PKNOX2: variants seen among roughly 807,000 people sequenced by gnomAD.
PKNOX2 encodes the protein homeobox protein PKNOX2.
In PKNOX2, 14 loss-of-function variants were observed where a neutral mutation model predicts 53.1. The ratio of observed to expected loss-of-function variants is 0.26; its 90% CI spans 0.17 to 0.41. The LOEUF (loss-of-function observed/expected upper bound fraction) is 0.41, where lower values mean the gene tolerates loss of function less well. Among genes scored for constraint, PKNOX2 ranks in the 10% least tolerant of loss-of-function variants. The pLI, the probability that PKNOX2 is intolerant of heterozygous loss-of-function variation, is 1.00. For missense variants in PKNOX2, 496 were observed against 602.8 expected, an observed-to-expected ratio of 0.82 and a Z score of 1.85; for synonymous variants, 257 against 242.8, an observed-to-expected ratio of 1.06 and a Z score of -0.54.
At chr11:125,220,304 A>G (rs1487073510) in intron 1 of PKNOX2, among the ~76,000 whole-genome samples, 7 of 152,238 alleles carry the variant, frequency 4.6e-5, no homozygotes, top group African/African-American at 1.4e-4. Flanking sequence ...TTTAAAAGCA[A>G]AACAAAACAC....
intron 2 of PKNOX2, among the ~76,000 whole-genome samples, chr11:125,310,503 A>T (rs10893369): frequency 0.11 from 16,968 of 151,542 alleles, 1,292 homozygotes; most frequent in East Asian, 0.31. Context: ...TCAAAAAAAA[A>T]AATAATAAAA....
rs1191582818 is a variant in PKNOX2, at chr11:125,352,630, G to A, written c.87+1238G>A. Reference sequence around the variant, plus strand: ...ATCCTCTGGGAGATTACCAGATGCTGTGGGGCTTCTTTCTAGCGTACCCAG... The same window carrying A: ...ATCCTCTGGGAGATTACCAGATGCTATGGGGCTTCTTTCTAGCGTACCCAG... On this transcript the variant is annotated intron_variant, in intron 4 of 12. Transcript: ENST00000298282. The surrounding 1 kb of genome is among the most constrained non-coding windows in gnomAD (Gnocchi z 4.1). 6.6e-6 allele frequency among the ~76,000 whole-genome samples: 1 copy of A among 152,198 alleles called. No homozygotes were observed. Among genetic ancestry groups the A allele is most frequent in the African/African-American group, 2.4e-5 (1 of 41,456 alleles).
chr11:125,174,233 A>T (rs1024118330), intron 1 of PKNOX2, among the ~76,000 whole-genome samples: 2 of 152,136 alleles, frequency 1.3e-5, no homozygotes, highest in Non-Finnish European at 2.9e-5. Context: ...GCTTGTTCTC[A>T]TTCTCATTTC....
chr11:125,228,307 T>G (rs1272451792), intron 1 of PKNOX2, among the ~76,000 whole-genome samples: 1 of 152,210 alleles, frequency 6.6e-6, no homozygotes, highest in Non-Finnish European at 1.5e-5. Flanking sequence ...ATTCGAATTT[T>G]AAAAGTCACA....
At chr11:125,427,423 G>C (rs1287581409) in intron 10 of PKNOX2, among the ~76,000 whole-genome samples, 5 of 152,198 alleles carry the variant, frequency 3.3e-5, no homozygotes, top group Non-Finnish European at 5.9e-5. Flanking sequence ...AGGTAGGGGA[G>C]AGGCTGCTCC....
At chr11:125,384,692 A>G (rs1037284258) in intron 5 of PKNOX2, among the ~76,000 whole-genome samples, 4 of 152,170 alleles carry the variant, frequency 2.6e-5, no homozygotes, top group Non-Finnish European at 5.9e-5. Context: ...CTCAAAAAAA[A>G]CAAAAAGATC....
At chr11:125,423,516 G>C (rs11220062) in intron 10 of PKNOX2, among the ~76,000 whole-genome samples, 3,169 of 152,314 alleles carry the variant, frequency 0.021, 105 homozygotes, top group African/African-American at 0.07. Context: ...ATGGTGAGAA[G>C]TACCAGTTAC....
chr11:125,396,456 A>AC (rs1412062864), intron 6 of PKNOX2, among the ~76,000 whole-genome samples: 1 of 152,084 alleles, frequency 6.6e-6, no homozygotes, highest in African/African-American at 2.4e-5. Context: ...TTATTCTAGC[A>AC]CCATTTGAAC....
At chr11:125,265,286 C>T (rs774220791) in intron 2 of PKNOX2, among the ~76,000 whole-genome samples, 3 of 139,762 alleles carry the variant, frequency 2.1e-5, no homozygotes, top group Non-Finnish European at 3.1e-5. Context: ...GACTCTGTCT[C>T]AAAAAAAAAA....
intron 2 of PKNOX2, among the ~76,000 whole-genome samples, chr11:125,299,093 G>A (rs1947856501): frequency 6.6e-6 from 1 of 152,142 alleles, no homozygotes; most frequent in African/African-American, 2.4e-5. Context: ...GAAGGCAAAG[G>A]GGGAGCAGGC....
At position 125,422,230 on chromosome 11, in the gene PKNOX2, T is replaced by C. The variant is rs1181983333; in HGVS notation, c.937-6782T>C. 1.3e-5 allele frequency among the ~76,000 whole-genome samples: 2 copies of C among 152,166 alleles called. No individual in the cohort carries two copies. The highest frequency in any genetic ancestry group is 2.9e-5 in the Non-Finnish European group (2 of 68,026). On this transcript the variant is annotated intron_variant, in intron 10 of 12. Transcript: ENST00000298282. The surrounding 1 kb of genome is among the most constrained non-coding windows in gnomAD (Gnocchi z 4.1). ...GAAACCTGGGAACACTGTGGCCCCT[T>C]ACCCCAGCCACGACTGTCTTCATTC...
intron 3 of PKNOX2, among the ~76,000 whole-genome samples, chr11:125,348,329 G>C (rs979982966): frequency 3.9e-5 from 6 of 152,196 alleles, no homozygotes; most frequent in Admixed American, 1.3e-4. Flanking sequence ...GGAGTGTCAA[G>C]TTGCCGGAGG....
At chr11:125,345,042 C>G (rs995912658) in intron 3 of PKNOX2, among the ~76,000 whole-genome samples, 3 of 152,260 alleles carry the variant, frequency 2.0e-5, no homozygotes, top group African/African-American at 7.2e-5. Flanking sequence ...CCATTTCCCC[C>G]CATCAGCCTA....
chr11:125,332,596 C>A (rs1950204551), intron 3 of PKNOX2: 1 of 152,102 alleles, frequency 6.6e-6, no homozygotes, highest in South Asian at 2.1e-4. Flanking sequence ...TTATCCGAAA[C>A]AACCCTTTTT....
At chr11:125,357,899 G>A (rs1035045234) in intron 4 of PKNOX2, among the ~76,000 whole-genome samples, 7 of 152,154 alleles carry the variant, frequency 4.6e-5, no homozygotes, top group African/African-American at 1.7e-4. Context: ...TTATCCATTC[G>A]ATAAACATTG....
At chr11:125,398,867 C>A (rs2135462961) in intron 7 of PKNOX2, among the ~76,000 whole-genome samples, 1 of 152,372 alleles carries the variant, frequency 6.6e-6, no homozygotes, top group Middle Eastern at 3.4e-3. Flanking sequence ...CCTGGAGGGT[C>A]CCCAAGGAGT....
chr11:125,229,708 C>T (rs908750321), intron 1 of PKNOX2, among the ~76,000 whole-genome samples: 1 of 152,104 alleles, frequency 6.6e-6, no homozygotes, highest in Admixed American at 6.5e-5. Flanking sequence ...AGCAGTGATG[C>T]TTCTGAGGGA....
At chr11:125,328,904 G>A (rs1290526080) in intron 2 of PKNOX2, among the ~76,000 whole-genome samples, 1 of 152,222 alleles carries the variant, frequency 6.6e-6, no homozygotes, top group African/African-American at 2.4e-5. Context: ...CTCATACGCT[G>A]CTGATAGGAT....
In PKNOX2 at chr11:125,431,209, T is replaced by G. The variant is rs923655514; in HGVS notation, c.1236T>G (p.Ser412Arg). 6.2e-7 allele frequency: 1 copy of G among 1,613,718 alleles called. No homozygotes were observed. ...ACCTGCAGTCCCTGTCCTCAGACAG[T>G]GCCACCATGGCCATGCAGCAGGCTA... ...LDNLQSLSSD[S>R]ATMAMQQAMM... The change falls in exon 13 of 13, where the codon AGT (serine) becomes AGG (arginine). Residue 412 changes from serine to arginine, a missense_variant. Coordinates refer to ENST00000298282, the MANE Select transcript of PKNOX2 (RefSeq NM_001382323.2).
Sources: allele counts gnomAD v4.1 joint callset (sites outside exome capture counted in the v4.1 genomes callset), GRCh38; gene constraint gnomAD v4.1.1; non-coding constraint Gnocchi (gnomAD v3.1); transcripts MANE v1.5; gene names NCBI Gene and HGNC (gene_info 2026-07-23, HGNC 2026-07-21).